The following LHFPL3 variants were observed in gnomAD, a reference collection of about 807,000 sequenced individuals.
LHFPL3 encodes LHFPL tetraspan subfamily member 3, also known as LHFPL tetraspan subfamily member 3 protein.
In LHFPL3, 5 loss-of-function variants were observed where a neutral mutation model predicts 19.3. The ratio of observed to expected loss-of-function variants is 0.26; its 90% CI spans 0.14 to 0.54. LHFPL3 has a LOEUF of 0.54. Among genes scored for constraint, LHFPL3 ranks in the 20% least tolerant of loss-of-function variants. The pLI, the probability that LHFPL3 is intolerant of heterozygous loss-of-function variation, is 0.94. For missense variants in LHFPL3, 249 were observed against 307.4 expected, an observed-to-expected ratio of 0.81 and a Z score of 1.42; for synonymous variants, 133 against 126.2, an observed-to-expected ratio of 1.05 and a Z score of -0.36.
chr7:104,844,901 A>G (rs1791284201), intron 2 of LHFPL3, among the ~76,000 whole-genome samples: 2 of 152,170 alleles, frequency 1.3e-5, no homozygotes, highest in South Asian at 4.1e-4. Flanking sequence ...CACTACACCC[A>G]GCTAAATTTT....
chr7:104,705,346 C>T (rs986699158), intron 1 of LHFPL3, among the ~76,000 whole-genome samples: 6 of 151,984 alleles, frequency 3.9e-5, no homozygotes, highest in Non-Finnish European at 8.8e-5. Context: ...GGATTTTGTT[C>T]GTTATTTGTT....
chr7:104,406,268 G>T (rs866562958), intron 1 of LHFPL3, among the ~76,000 whole-genome samples: 16 of 152,258 alleles, frequency 1.1e-4, no homozygotes, highest in African/African-American at 3.6e-4. Flanking sequence ...CCCAAAACTG[G>T]GGACTTGAAC....
chr7:104,635,367 C>T (rs1791711777), intron 1 of LHFPL3, among the ~76,000 whole-genome samples: 1 of 152,090 alleles, frequency 6.6e-6, no homozygotes, highest in Admixed American at 6.6e-5. Context: ...GAAAGGTCTA[C>T]TCAAACATCA....
chr7:104,494,303 C>T (rs891737459), intron 1 of LHFPL3, among the ~76,000 whole-genome samples: 1 of 152,164 alleles, frequency 6.6e-6, no homozygotes, highest in African/African-American at 2.4e-5. Flanking sequence ...CATCTGGTGC[C>T]AACCTATATT....
At chr7:104,679,157 C>T (rs1562964122) in intron 1 of LHFPL3, among the ~76,000 whole-genome samples, 1 of 152,222 alleles carries the variant, frequency 6.6e-6, no homozygotes, top group African/African-American at 2.4e-5. Context: ...GGGCTGCAGT[C>T]ATCTGAGCCT....
chr7:104,352,659 C>A (rs1790200942), intron 1 of LHFPL3, among the ~76,000 whole-genome samples: 1 of 152,196 alleles, frequency 6.6e-6, no homozygotes. Context: ...TGAGACTTCA[C>A]CTGTTTACCA....
intron 1 of LHFPL3, among the ~76,000 whole-genome samples, chr7:104,552,415 G>A (rs1794679076): frequency 1.3e-5 from 2 of 152,170 alleles, no homozygotes; most frequent in Admixed American, 1.3e-4. Flanking sequence ...CAGTGGATTT[G>A]CAAGGAGACT....
intron 1 of LHFPL3, among the ~76,000 whole-genome samples, chr7:104,453,766 TGAG>T (rs573233103): frequency 3.3e-5 from 5 of 152,174 alleles, no homozygotes; most frequent in Admixed American, 3.3e-4. Context: ...GCTGTCACTC[TGAG>T]TTCTCATGAG....
At chr7:104,390,408 A>G (rs1028046823) in intron 1 of LHFPL3, among the ~76,000 whole-genome samples, 13 of 151,762 alleles carry the variant, frequency 8.6e-5, no homozygotes, top group African/African-American at 1.9e-4. Flanking sequence ...TCATTGTTCA[A>G]TTCCCACCTG....
At chr7:104,463,272 G>T (rs1469395026) in intron 1 of LHFPL3, among the ~76,000 whole-genome samples, 2 of 152,076 alleles carry the variant, frequency 1.3e-5, no homozygotes, top group African/African-American at 4.8e-5. Context: ...CTTGTCTTCT[G>T]CTAGCTTTAG....
At chr7:104,461,145 C>G (rs1198294122) in intron 1 of LHFPL3, among the ~76,000 whole-genome samples, 5 of 152,204 alleles carry the variant, frequency 3.3e-5, no homozygotes, top group Non-Finnish European at 7.3e-5. Context: ...ACACATCTTT[C>G]TTCACATGCT....
chr7:104,699,885 T>C (rs62484617), intron 1 of LHFPL3, among the ~76,000 whole-genome samples: 2,680 of 152,322 alleles, frequency 0.018, 31 homozygotes, highest in South Asian at 0.04. Flanking sequence ...GTAATATCTG[T>C]AATCCGTTCT....
At chr7:104,681,827 T>G (rs535351492) in intron 1 of LHFPL3, among the ~76,000 whole-genome samples, 27 of 152,290 alleles carry the variant, frequency 1.8e-4, no homozygotes, top group African/African-American at 5.3e-4. Flanking sequence ...GGGACAACAC[T>G]AGGGTACACA....
intron 1 of LHFPL3, among the ~76,000 whole-genome samples, chr7:104,360,662 T>C (rs1790373158): frequency 7.0e-6 from 1 of 143,292 alleles, no homozygotes; most frequent in African/African-American, 2.7e-5. Flanking sequence ...ATTTCCACAG[T>C]GAGTTGTTGG....
chr7:104,738,810 A>G (rs775549489), intron 2 of LHFPL3: 1 of 152,302 alleles, frequency 6.6e-6, no homozygotes, highest in South Asian at 2.1e-4. Flanking sequence ...CATTAAACAA[A>G]GCATCGTGTT....
At chr7:104,685,696 A>G (rs12536801) in intron 1 of LHFPL3, among the ~76,000 whole-genome samples, 17 of 151,966 alleles carry the variant, frequency 1.1e-4, no homozygotes, top group African/African-American at 3.6e-4. Flanking sequence ...AGCTGCAGGA[A>G]TCTCTCCCTC....
At position 104,790,523 on chromosome 7, in the gene LHFPL3, C is replaced by G. The variant is rs1304198036; in HGVS notation, c.682+53612C>G. 2.0e-5 allele frequency among the ~76,000 whole-genome samples: 3 copies of G among 152,180 alleles called. No homozygotes were observed. In the East Asian group the frequency reaches 5.8e-4, roughly 29 times the overall value. On this transcript the variant is annotated intron_variant, in intron 2 of 2. Coordinates refer to ENST00000424859, the MANE Select transcript of LHFPL3 (RefSeq NM_199000.3). ...TCTTGTTTATTCTTTATTTTAGGAC[C>G]ACTTTCCCCAACCAGAGTATAAACC...
chr7:104,437,386 A>G (rs1264719252), intron 1 of LHFPL3, among the ~76,000 whole-genome samples: 1 of 152,170 alleles, frequency 6.6e-6, no homozygotes. Context: ...AAGATGTGTG[A>G]GTTTTCCCCC....
chr7:104,487,055 C>T (rs1232315586), intron 1 of LHFPL3, among the ~76,000 whole-genome samples: 1 of 151,754 alleles, frequency 6.6e-6, no homozygotes, highest in African/African-American at 2.4e-5. Context: ...TTCGTTTTTC[C>T]TGCAGTATCT....
Sources: gnomAD v4.1 joint callset for allele counts (sites outside exome capture counted in the v4.1 genomes callset) on GRCh38, gnomAD v4.1.1 for gene constraint, MANE v1.5 for transcripts, NCBI Gene and HGNC (gene_info 2026-07-23, HGNC 2026-07-21) for gene names.